Variants in BNC2 observed in about 807,000 individuals in gnomAD.
BNC2 encodes the protein basonuclin zinc finger protein 2, also known as zinc finger protein basonuclin-2.
BNC2 carries 20 observed loss-of-function variants against 76.3 expected under a neutral mutation model. That is an observed-to-expected ratio of 0.26 (90% CI 0.18 to 0.38). BNC2 has a LOEUF of 0.38. Ranked by LOEUF, BNC2 falls within the 10% of genes least tolerant of loss-of-function variation. The probability of loss-of-function intolerance (pLI) is 1.00; values close to 1 mark genes in which losing one functional copy is unlikely to be tolerated. For synonymous variants in BNC2, 582 were observed against 514.8 expected, an observed-to-expected ratio of 1.13 and a Z score of -1.77; for missense variants, 1,382 against 1,399.8, an observed-to-expected ratio of 0.99 and a Z score of 0.20.
In BNC2 at chr9:16,411,864, T is replaced by A. The variant is rs1820468228; in HGVS notation, c.*7125A>T. 6.6e-6 allele frequency: 1 copy of A among 152,184 alleles called. No individual in the cohort carries two copies. Among genetic ancestry groups the A allele is most frequent in the African/African-American group, 2.4e-5 (1 of 41,440 alleles). The allele number at this position is 152,184 out of a possible 1,614,324, so 9.4% of individuals were successfully genotyped here. ...CTGTTTGTAATGGGGCCAACTATCT[T>A]CTCTGAGATGCGCTGCGGGAAGGTT... On this transcript the variant is annotated 3_prime_UTR_variant, in exon 7 of 7. Coordinates refer to ENST00000380672, the MANE Select transcript of BNC2 (RefSeq NM_017637.6).
Position 16,583,083 on chromosome 9 carries a change from G to A in BNC2, c.333C>T (p.Ala111=). 1 of 1,613,388 alleles carries A rather than the reference G, an allele frequency of 6.2e-7. No individual in the cohort carries two copies. ...TGCAGTTTACCAGTGTGCAACGGATGGCCTGAAAAATAAAGGAGGAAAAAA... is the reference window on the plus strand; with the variant it reads ...TGCAGTTTACCAGTGTGCAACGGATAGCCTGAAAAATAAAGGAGGAAAAAA... The part of the protein sequence containing the change: ...TNLLFRMSQQ[A]IRCTLVNCTC... Residue 111 remains alanine (A), a splice_region_variant and synonymous_variant, in exon 4 of 7, where the codon GCC becomes GCT. Coordinates refer to ENST00000380672, the MANE Select transcript of BNC2 (RefSeq NM_017637.6).
Position 16,721,452 on chromosome 9 carries a change from G to A in BNC2, c.330+6345C>T, listed in dbSNP as rs551157439. Among the ~76,000 whole-genome samples the A allele has an allele frequency of 1.7e-3, 266 of 152,128 alleles. 2 individuals carry two copies. Among genetic ancestry groups the A allele is most frequent in the African/African-American group, 6.0e-3 (250 of 41,526 alleles). ...AAATGTAGAAGCCAGCTGCTTTTCT[G>A]GAAATAAAAAATGGCATCAGCTTTG... On this transcript the variant is annotated intron_variant, in intron 3 of 6. Coordinates refer to ENST00000380672, the MANE Select transcript of BNC2 (RefSeq NM_017637.6).
intron 1 of BNC2, among the ~76,000 whole-genome samples, chr9:16,802,776 A>T (rs150547994): frequency 2.0e-5 from 3 of 152,304 alleles, no homozygotes; most frequent in African/African-American, 7.2e-5. Context: ...TTTCAGACCT[A>T]GAGATTCTGC....
intron 2 of BNC2, among the ~76,000 whole-genome samples, chr9:16,733,884 GAA>G (rs1213871853): frequency 7.2e-6 from 1 of 139,824 alleles, no homozygotes; most frequent in South Asian, 2.3e-4. Flanking sequence ...AACTCCATCT[GAA>G]AAAAAAAAAA....
At chr9:16,546,789 A>G (rs1487085343) in intron 5 of BNC2, among the ~76,000 whole-genome samples, 1 of 152,218 alleles carries the variant, frequency 6.6e-6, no homozygotes, top group East Asian at 1.9e-4. Context: ...GCCACACTGC[A>G]TCTACAGACT....
chr9:16,579,212 A>G (rs1819563364), intron 4 of BNC2, among the ~76,000 whole-genome samples: 1 of 152,210 alleles, frequency 6.6e-6, no homozygotes, highest in Non-Finnish European at 1.5e-5. Flanking sequence ...AAAGTAACAC[A>G]GCCCACTAAG....
chr9:16,788,531 C>G (rs989470259), intron 1 of BNC2, among the ~76,000 whole-genome samples: 1 of 139,890 alleles, frequency 7.1e-6, no homozygotes. Context: ...CCACCCTGGG[C>G]GACAGAGCAA....
chr9:16,834,120 A>C (rs1818646315), intron 1 of BNC2, among the ~76,000 whole-genome samples: 1 of 151,982 alleles, frequency 6.6e-6, no homozygotes, highest in Admixed American at 6.6e-5. Flanking sequence ...GTATTTTTGG[A>C]TTCTGAGTAA....
At chr9:16,856,303 A>AC (rs879655162) in intron 1 of BNC2, among the ~76,000 whole-genome samples, 16 of 148,648 alleles carry the variant, frequency 1.1e-4, no homozygotes, top group Non-Finnish European at 2.3e-4. Context: ...ACACACACAC[A>AC]AATTCCAGCA....
chr9:16,478,847 T>C (rs555884371), intron 5 of BNC2, among the ~76,000 whole-genome samples: 41 of 152,306 alleles, frequency 2.7e-4, no homozygotes, highest in African/African-American at 7.0e-4. Flanking sequence ...CTCTCAAAGC[T>C]CTTCCCGCTC....
chr9:16,759,280 T>C (rs1055236001), intron 1 of BNC2, among the ~76,000 whole-genome samples: 8 of 152,214 alleles, frequency 5.3e-5, no homozygotes, highest in Non-Finnish European at 1.0e-4. Context: ...ATAAGGGTCT[T>C]TTTCCACAGA....
chr9:16,808,705 T>C (rs1817973480), intron 1 of BNC2, among the ~76,000 whole-genome samples: 1 of 151,588 alleles, frequency 6.6e-6, no homozygotes, highest in Non-Finnish European at 1.5e-5. Context: ...GCTTTTTTTT[T>C]TATTTCAACT....
intron 3 of BNC2, among the ~76,000 whole-genome samples, chr9:16,675,328 C>A (rs1196038322): frequency 2.0e-5 from 3 of 152,020 alleles, no homozygotes; most frequent in Admixed American, 2.0e-4. Context: ...GATATCGACT[C>A]ACCACAACCT....
chr9:16,667,524 AT>A (rs1822336212), intron 3 of BNC2, among the ~76,000 whole-genome samples: 1 of 152,196 alleles, frequency 6.6e-6, no homozygotes, highest in East Asian at 1.9e-4. Flanking sequence ...AAGAAAGTCG[AT>A]TTCCAATTAT....
intron 1 of BNC2, among the ~76,000 whole-genome samples, chr9:16,851,901 TGAA>T (rs1819136068): frequency 6.6e-6 from 1 of 152,188 alleles, no homozygotes; most frequent in African/African-American, 2.4e-5. Flanking sequence ...AGGTATACCC[TGAA>T]CTGAAGAGAC....
chr9:16,764,751 A>ATAAGAAGC, intron 1 of BNC2, among the ~76,000 whole-genome samples: 1 of 127,420 alleles, frequency 7.8e-6, no homozygotes, highest in South Asian at 2.6e-4. Flanking sequence ...TTTTTTTTTA[A>ATAAGAAGC]TAAGAAGCAA....
At position 16,436,101 on chromosome 9, in the gene BNC2, C is replaced by T. The variant is rs548745485; in HGVS notation, c.2093G>A (p.Arg698Gln). The T allele has an allele frequency of 3.8e-5, 61 of 1,614,134 alleles. No individual in the cohort carries two copies. Among genetic ancestry groups the T allele is most frequent in the South Asian group, 3.4e-4 (31 of 91,068 alleles). Residue 698 changes from arginine to glutamine, a missense_variant, in exon 6 of 7, where the codon CGG (arginine) becomes CAG (glutamine). Transcript: ENST00000380672. ...VKDFSKHNRT[R>Q]CISRTEIRRA... Reference sequence around the variant, plus strand: ...CCTTATTTCAGTCCTTGAAATGCACCGGGTCCTGTTATGCTTAGAAAAGTC... The same window carrying T: ...CCTTATTTCAGTCCTTGAAATGCACTGGGTCCTGTTATGCTTAGAAAAGTC...
chr9:16,782,644 T>C (rs1178413714), intron 1 of BNC2, among the ~76,000 whole-genome samples: 1 of 152,132 alleles, frequency 6.6e-6, no homozygotes, highest in Non-Finnish European at 1.5e-5. Flanking sequence ...CAGGAAGACT[T>C]TGGGCACCAC....
At chr9:16,469,647 A>C (rs1005884552) in intron 5 of BNC2, among the ~76,000 whole-genome samples, 1 of 152,226 alleles carries the variant, frequency 6.6e-6, no homozygotes, top group Non-Finnish European at 1.5e-5. Flanking sequence ...CGACTTAGGA[A>C]CTGGGTAACA....
Sources: allele counts gnomAD v4.1 joint callset (sites outside exome capture counted in the v4.1 genomes callset), GRCh38; gene constraint gnomAD v4.1.1; transcripts MANE v1.5; gene names NCBI Gene and HGNC (gene_info 2026-07-23, HGNC 2026-07-21).